SEC14L5: variants seen among roughly 807,000 people sequenced by gnomAD.
SEC14L5 encodes SEC14 like lipid binding 5, also known as SEC14-like protein 5.
A neutral mutation model predicts 84.6 loss-of-function variants in SEC14L5; 96 were observed. The observed-to-expected ratio is 1.13, with a 90% CI of 0.96 to 1.34. The LOEUF (loss-of-function observed/expected upper bound fraction) is 1.34. Among genes scored for constraint, SEC14L5 ranks in the 40% most tolerant of loss-of-function variants. SEC14L5 has a pLI of 0.00. For missense variants in SEC14L5, 1,224 were observed against 942.5 expected, an observed-to-expected ratio of 1.30 and a Z score of -3.91; for synonymous variants, 546 against 383.4, an observed-to-expected ratio of 1.42 and a Z score of -4.95.
chr16:5,003,783 A>G (rs954995116), intron 11 of SEC14L5, among the ~76,000 whole-genome samples: 5 of 152,248 alleles, frequency 3.3e-5, no homozygotes, highest in Non-Finnish European at 7.3e-5. Context: ...TGTCACCACT[A>G]GCCAATCCCA....
intron 4 of SEC14L5, among the ~76,000 whole-genome samples, chr16:4,990,077 A>T (rs1292306983): frequency 6.6e-6 from 1 of 151,492 alleles, no homozygotes; most frequent in Non-Finnish European, 1.5e-5. Context: ...ACTATTTAAA[A>T]AATCTATATC....
At chr16:5,013,550 CTTT>C (rs869041446) in intron 15 of SEC14L5, among the ~76,000 whole-genome samples, 5 of 44,956 alleles carry the variant, frequency 1.1e-4, no homozygotes, top group African/African-American at 3.8e-4. Context: ...GCTTGCCTGG[CTTT>C]TTTTTTTTTT....
At chr16:4,967,996 C>T (rs2142477584) in intron 2 of SEC14L5, among the ~76,000 whole-genome samples, 1 of 134,296 alleles carries the variant, frequency 7.4e-6, no homozygotes, top group East Asian at 2.6e-4. Context: ...CCTTCCCTTC[C>T]CTTTCTCCCT....
At chr16:5,006,647 G>T (rs1261606126) in intron 12 of SEC14L5, among the ~76,000 whole-genome samples, 4 of 152,204 alleles carry the variant, frequency 2.6e-5, no homozygotes, top group African/African-American at 9.7e-5. Context: ...ACCAGACAGT[G>T]AGCTTGCGTC....
At chr16:5,000,371 C>T (rs1955661525) in intron 8 of SEC14L5, among the ~76,000 whole-genome samples, 5 of 152,246 alleles carry the variant, frequency 3.3e-5, no homozygotes, top group African/African-American at 4.8e-5. Flanking sequence ...CTCCTGTGTT[C>T]AAGCAATCCT....
intron 8 of SEC14L5, among the ~76,000 whole-genome samples, chr16:4,999,076 A>G (rs1352467640): frequency 6.6e-6 from 1 of 152,110 alleles, no homozygotes; most frequent in Non-Finnish European, 1.5e-5. Context: ...TTTGTGGCCT[A>G]TTTAATGCCA....
chr16:4,965,287 A>G (rs546082688), intron 2 of SEC14L5, among the ~76,000 whole-genome samples: 1 of 152,112 alleles, frequency 6.6e-6, no homozygotes, highest in Non-Finnish European at 1.5e-5. Context: ...AGTTGTTTTC[A>G]GTTTGGGGGG....
At position 4,993,966 on chromosome 16, in the gene SEC14L5, C is replaced by CTTTT. The variant is rs374711543; in HGVS notation, c.667+1950_667+1953dup. Among the ~76,000 whole-genome samples, 4 of 138,550 alleles carry CTTTT rather than the reference C, an allele frequency of 2.9e-5. 1 individual carries two copies. The highest frequency in any genetic ancestry group is 5.4e-5 in the African/African-American group (2 of 36,930). The allele number at this position is 138,550 out of a possible 152,430, so 90.9% of individuals were successfully genotyped here. A position where few individuals can be genotyped will look rare whatever the true frequency, so the allele number is the denominator to read the frequency against. ...TTTTTCATGTTTAGTGACTGTTTTC[C>CTTTT]TTTTTTTTTTTTTTTTTAATAATAC... On this transcript the variant is annotated intron_variant, in intron 6 of 15. Coordinates refer to ENST00000251170, the MANE Select transcript of SEC14L5 (RefSeq NM_014692.2).
At chr16:4,981,613 T>C (rs1260269136) in intron 2 of SEC14L5, among the ~76,000 whole-genome samples, 2 of 152,128 alleles carry the variant, frequency 1.3e-5, no homozygotes, top group Admixed American at 6.6e-5. Flanking sequence ...GCTCTGTTTC[T>C]GAGCTGCCCA....
At chr16:4,967,530 T>C (rs1276472594) in intron 2 of SEC14L5, among the ~76,000 whole-genome samples, 1 of 150,052 alleles carries the variant, frequency 6.7e-6, no homozygotes, top group East Asian at 1.9e-4. Flanking sequence ...AGCCAGACTT[T>C]CCGGATTCTG....
intron 2 of SEC14L5, among the ~76,000 whole-genome samples, chr16:4,975,962 G>A (rs533174647): frequency 4.6e-5 from 7 of 152,196 alleles, no homozygotes; most frequent in African/African-American, 1.7e-4. Context: ...ACGTTTTGGC[G>A]TAAGTGGCAT....
intron 11 of SEC14L5, 51 bp downstream of exon 11, chr16:5,003,624 G>GGGGGGGGGGGGGGTGCCCC: frequency 3.3e-6 from 1 of 305,312 alleles, no homozygotes. Flanking sequence ...GGTGGGATGG[G>GGGGGGGGGGGGGGTGCCCC]AGGGGTTCCG....
intron 2 of SEC14L5, among the ~76,000 whole-genome samples, chr16:4,976,670 C>T (rs1335928831): frequency 6.6e-6 from 1 of 152,200 alleles, no homozygotes; most frequent in Non-Finnish European, 1.5e-5. Context: ...TAAGAGGCAG[C>T]CCTGCTTGGT....
At chr16:4,970,127 A>T (rs1955257519) in intron 2 of SEC14L5, among the ~76,000 whole-genome samples, 1 of 152,018 alleles carries the variant, frequency 6.6e-6, no homozygotes, top group Non-Finnish European at 1.5e-5. Flanking sequence ...GGTTCTTTTG[A>T]TGTGGTTCCT....
At chr16:5,014,152 T>G (rs1316198003) in intron 15 of SEC14L5, among the ~76,000 whole-genome samples, 1 of 152,212 alleles carries the variant, frequency 6.6e-6, no homozygotes, top group Non-Finnish European at 1.5e-5. Flanking sequence ...AAAGGAACAA[T>G]TCAGTGCCTC....
At chr16:4,981,272 T>TG (rs1955421029) in intron 2 of SEC14L5, among the ~76,000 whole-genome samples, 1 of 144,010 alleles carries the variant, frequency 6.9e-6, no homozygotes, top group Non-Finnish European at 1.5e-5. Context: ...TTTTTTTTTT[T>TG]TTTTTTTTTT....
chr16:4,997,952 A>T (rs187343109), intron 8 of SEC14L5, among the ~76,000 whole-genome samples: 1 of 149,060 alleles, frequency 6.7e-6, no homozygotes, highest in Admixed American at 6.7e-5. Flanking sequence ...GTGTGATTTT[A>T]TCTTGAGATC....
In SEC14L5 at chr16:4,959,400, G is replaced by T; in HGVS notation, c.63+14G>T. The T allele has an allele frequency of 1.2e-6, 2 of 1,612,510 alleles. No homozygotes were observed. The highest frequency in any genetic ancestry group is 1.7e-6 in the Non-Finnish European group (2 of 1,178,532). ...CTGGTCATGGCGGTGAGTGACTCCT[G>T]ATTCTTGGGCCCCCATGTGACAGTT... On this transcript the variant is annotated intron_variant, in intron 2 of 15. Coordinates refer to ENST00000251170, the MANE Select transcript of SEC14L5 (RefSeq NM_014692.2).
At chr16:5,002,863 T>A (rs1955691948) in intron 10 of SEC14L5, among the ~76,000 whole-genome samples, 1 of 152,216 alleles carries the variant, frequency 6.6e-6, no homozygotes, top group African/African-American at 2.4e-5. Context: ...CTGCTCTATT[T>A]AGTAGTTAGC....
Sources: allele counts gnomAD v4.1 joint callset (sites outside exome capture counted in the v4.1 genomes callset), GRCh38; gene constraint gnomAD v4.1.1; transcripts MANE v1.5; gene names NCBI Gene and HGNC (gene_info 2026-07-23, HGNC 2026-07-21).